The following EFCAB14 variants were observed in gnomAD, a reference collection of about 807,000 sequenced individuals.
EFCAB14 encodes the protein EF-hand calcium binding domain 14, also known as EF-hand calcium-binding domain-containing protein 14.
Under a neutral mutation model 56.5 loss-of-function variants are expected in EFCAB14, and 43 were observed. The observed-to-expected ratio is 0.76, with a 90% CI of 0.60 to 0.98. The LOEUF is 0.98. Among genes scored for constraint, EFCAB14 ranks in the 50% least tolerant of loss-of-function variants. EFCAB14 has a pLI of 0.00. For synonymous variants in EFCAB14, 235 were observed against 212.9 expected, an observed-to-expected ratio of 1.10 and a Z score of -0.90; for missense variants, 538 against 580.3, an observed-to-expected ratio of 0.93 and a Z score of 0.75.
intron 3 of EFCAB14, among the ~76,000 whole-genome samples, chr1:46,698,998 CAGA>C (rs1242041360): frequency 6.6e-6 from 1 of 151,862 alleles, no homozygotes; most frequent in Admixed American, 6.6e-5. Context: ...GAGGTAGTAG[CAGA>C]AGTAGAGATG....
intron 2 of EFCAB14, among the ~76,000 whole-genome samples, chr1:46,711,588 T>A (rs1040867386): frequency 1.3e-5 from 2 of 152,170 alleles, no homozygotes; most frequent in Non-Finnish European, 2.9e-5. Context: ...ATTACATAAA[T>A]GGGAGGAAGT....
In EFCAB14 at chr1:46,678,407, G is replaced by C; in HGVS notation, c.*54C>G. ...CTGATGGGTAAGTAAGGGTTGTTTT[G>C]TTGTTAGGTAAATAGATATTAGGCA... On this transcript the variant is annotated 3_prime_UTR_variant, in exon 11 of 11. Transcript: ENST00000371933. 9 of 1,597,510 alleles carry C rather than the reference G, an allele frequency of 5.6e-6. No homozygotes were observed. In the South Asian group the frequency reaches 1.0e-4, roughly 18 times the overall value.
intron 4 of EFCAB14, among the ~76,000 whole-genome samples, chr1:46,696,107 C>CTTT (rs576354908): frequency 7.2e-6 from 1 of 139,368 alleles, no homozygotes; most frequent in Non-Finnish European, 1.6e-5. Context: ...CCCAGGTCAT[C>CTTT]TTTTTTTTTT....
chr1:46,686,705 G>C (rs1676887824), intron 8 of EFCAB14, 79 bp downstream of exon 8: 1 of 1,407,532 alleles, frequency 7.1e-7, no homozygotes, highest in African/African-American at 1.4e-5. Flanking sequence ...TACGCCCTTT[G>C]AAAAAGTAGC....
chr1:46,678,206 A>AT lies in EFCAB14; in HGVS notation c.*254dup, dbSNP rs1174256050. Reference sequence around the variant, plus strand: ...GGAAAGAGAAAAAAAGAGGGCTTTAATTTTTTTTCTGGCAATTTTAAAATG... The same window carrying AT: ...GGAAAGAGAAAAAAAGAGGGCTTTAATTTTTTTTTCTGGCAATTTTAAAATG... On this transcript the variant is annotated 3_prime_UTR_variant, in exon 11 of 11. Coordinates refer to ENST00000371933, the MANE Select transcript of EFCAB14 (RefSeq NM_014774.3). 3.1e-5 allele frequency: 10 copies of AT among 325,120 alleles called. No individual in the cohort carries two copies. The highest frequency in any genetic ancestry group is 5.9e-5 in the East Asian group (1 of 17,036). The allele number at this position is 325,120 out of a possible 1,614,324, so 20.1% of individuals were successfully genotyped here.
intron 4 of EFCAB14, among the ~76,000 whole-genome samples, chr1:46,694,509 C>T (rs1410850931): frequency 1.3e-5 from 2 of 152,150 alleles, no homozygotes; most frequent in Admixed American, 6.5e-5. Flanking sequence ...CACAGAAATG[C>T]AAATCAAAAC....
At chr1:46,689,778 C>T in intron 5 of EFCAB14, 87 bp from the exon 6 acceptor site, 1 of 1,185,060 alleles carries the variant, frequency 8.4e-7, no homozygotes, top group South Asian at 1.3e-5. Flanking sequence ...ACATTCTAGC[C>T]TCCCCCAGAA....
intron 3 of EFCAB14, among the ~76,000 whole-genome samples, chr1:46,707,685 AT>A (rs1677252908): frequency 6.6e-6 from 1 of 152,230 alleles, no homozygotes; most frequent in Admixed American, 6.5e-5. Context: ...TAGTAGAATT[AT>A]TTTCTTTTGC....
At position 46,717,910 on chromosome 1, in the gene EFCAB14, A is replaced by T. The variant is rs1302618374; in HGVS notation, c.178T>A (p.Phe60Ile). 6.2e-7 allele frequency: 1 copy of T among 1,613,182 alleles called. No homozygotes were observed. Among genetic ancestry groups the T allele is most frequent in the South Asian group, 1.1e-5 (1 of 91,030 alleles). ...EFGVVGNRSRFAKGDYLRCCK... is the reference protein window; with the variant it reads ...EFGVVGNRSRIAKGDYLRCCK... ...CCTTTCACCACTACTCACTTGGCAA[A>T]GCGAGAGCGATTTCCAACCACACCG... Residue 60 changes from phenylalanine (F) to isoleucine (I), a missense_variant, in exon 1 of 11, where the codon TTT becomes ATT. Coordinates refer to ENST00000371933, the MANE Select transcript of EFCAB14 (RefSeq NM_014774.3).
chr1:46,691,963 TA>T (rs1676999879), intron 4 of EFCAB14, 26 bp from the exon 5 acceptor site: 1 of 1,576,032 alleles, frequency 6.3e-7, no homozygotes, highest in Non-Finnish European at 8.7e-7. Context: ...TAGGAAGGTG[TA>T]AAAAAGCTTT....
chr1:46,683,163 A>C (rs538464007), intron 10 of EFCAB14, 137 bp downstream of exon 10: 2 of 943,292 alleles, frequency 2.1e-6, no homozygotes, highest in African/African-American at 3.4e-5. Context: ...TATATGACAT[A>C]ATGCATATAA....
intron 2 of EFCAB14, among the ~76,000 whole-genome samples, chr1:46,708,973 C>T (rs1246388006): frequency 1.3e-5 from 2 of 151,368 alleles, no homozygotes; most frequent in African/African-American, 4.9e-5. Context: ...CCACAGACCG[C>T]CTTAGTTATT....
intron 3 of EFCAB14, among the ~76,000 whole-genome samples, chr1:46,701,751 G>A (rs1197516910): frequency 1.3e-5 from 2 of 152,218 alleles, no homozygotes; most frequent in Non-Finnish European, 2.9e-5. Flanking sequence ...GCATGCTCTG[G>A]AGAGCTGACC....
At position 46,689,609 on chromosome 1, in the gene EFCAB14, G is replaced by A. The variant is rs1676957730; in HGVS notation, c.773C>T (p.Thr258Ile). The A allele has an allele frequency of 1.2e-6, 2 of 1,613,864 alleles. No homozygotes were observed. Among genetic ancestry groups the A allele is most frequent in the East Asian group, 4.5e-5 (2 of 44,884 alleles). The change falls in exon 6 of 11, where the codon ACC becomes ATC. Residue 258 changes from threonine (T) to isoleucine (I), a missense_variant. Physicochemically the swap from Thr to Ile is moderately conservative, Grantham distance 89. Transcript: ENST00000371933. ...CACCTGTTTCAAATTCTCACTGTGG[G>A]TTTTATTGTCAAGTTCTGATGTGGC... ...PSATSELDNK[T>I]HSENLKQDIL...
chr1:46,702,256 T>C (rs573996159), intron 3 of EFCAB14, among the ~76,000 whole-genome samples: 1 of 152,376 alleles, frequency 6.6e-6, no homozygotes, highest in South Asian at 2.1e-4. Flanking sequence ...GCTTTTTTGC[T>C]TTGGGGTTGA....
chr1:46,687,498 G>A (rs1464218564), intron 7 of EFCAB14, among the ~76,000 whole-genome samples: 1 of 152,226 alleles, frequency 6.6e-6, no homozygotes, highest in Non-Finnish European at 1.5e-5. Context: ...GGCAGAGCCA[G>A]TTCAAATGCT....
chr1:46,679,538 G>T (rs1474615193), intron 10 of EFCAB14, among the ~76,000 whole-genome samples: 1 of 147,828 alleles, frequency 6.8e-6, no homozygotes. Flanking sequence ...CCTGACCTCA[G>T]GTGATTCGCC....
Position 46,717,862 on chromosome 1 carries a change from G to A in EFCAB14, c.185+41C>T, listed in dbSNP as rs760632863. On this transcript the variant is annotated intron_variant, in intron 1 of 10. Coordinates refer to ENST00000371933, the MANE Select transcript of EFCAB14 (RefSeq NM_014774.3). The stretch of plus-strand genomic sequence containing the variant: ...TCAATGTGGCCCCTTGGTAGTGCAA[G>A]GAGATGCCTTCTTCCCATTCCACCT... The A allele has an allele frequency of 1.9e-6, 3 of 1,593,016 alleles. 1 individual carries two copies. The African/African-American group carries it at 4.0e-5, about 21-fold the overall frequency.
intron 3 of EFCAB14, among the ~76,000 whole-genome samples, chr1:46,697,351 G>A (rs1338388747): frequency 6.6e-6 from 1 of 152,158 alleles, no homozygotes; most frequent in African/African-American, 2.4e-5. Context: ...TGCTATTTAG[G>A]CATAGAATTC....
Sources: allele counts gnomAD v4.1 joint callset (sites outside exome capture counted in the v4.1 genomes callset), GRCh38; gene constraint gnomAD v4.1.1; transcripts MANE v1.5; gene names NCBI Gene and HGNC (gene_info 2026-07-23, HGNC 2026-07-21).